CAMSAP1: variants seen among roughly 807,000 people sequenced by gnomAD.
CAMSAP1 encodes the protein calmodulin-regulated spectrin-associated protein 1.
A neutral mutation model predicts 143.5 loss-of-function variants in CAMSAP1; 58 were observed. That is an observed-to-expected ratio of 0.40 (90% confidence interval 0.33 to 0.50). CAMSAP1 has a LOEUF of 0.50. Ranked by LOEUF, CAMSAP1 falls within the 20% of genes least tolerant of loss-of-function variation. CAMSAP1 has a pLI of 0.45. For synonymous variants in CAMSAP1, 945 were observed against 859.3 expected (o/e 1.10, Z -1.74); for missense variants, 1,969 against 2,115.7 (o/e 0.93, Z 1.36).
At chr9:135,836,294 T>C (rs1284358255) in intron 7 of CAMSAP1, 6 of 983,506 alleles carry the variant, frequency 6.1e-6, no homozygotes, top group Admixed American at 1.2e-4. Context: ...ACCACGTACC[T>C]TCTACCCTGT....
chr9:135,877,759 C>T lies in CAMSAP1; in HGVS notation c.585+3874G>A, dbSNP rs1003600965. On this transcript the variant is annotated intron_variant, in intron 3 of 16. Transcript: ENST00000389532. ...CCTGGGAGGTCAGGCTGCAGTGAGC[C>T]GCAATGACACAACTGCACTCCAGCC... is the stretch of plus-strand genomic sequence containing the variant. Among the ~76,000 whole-genome samples the T allele has an allele frequency of 5.3e-5, 8 of 151,976 alleles. No homozygotes were observed. The South Asian group carries it at 1.0e-3, about 20-fold the overall frequency.
chr9:135,818,338 T>G lies in CAMSAP1; in HGVS notation c.4168+70A>C, dbSNP rs1229936948. On this transcript the variant is annotated intron_variant, in intron 13 of 16. Transcript: ENST00000389532. The surrounding 1 kb of genome is among the most constrained non-coding windows in gnomAD (Gnocchi z 7.7). ...ACCACTCTTGATGACAAAATTGAAA[T>G]GAGCTGAAGAACGTGAGGCCGCCGC... 1 of 1,454,302 alleles carries G rather than the reference T, an allele frequency of 6.9e-7. No individual in the cohort carries two copies. Among genetic ancestry groups the G allele is most frequent in the African/African-American group, 1.4e-5 (1 of 70,962 alleles). The allele number at this position is 1,454,302 out of a possible 1,614,324, so 90.1% of individuals were successfully genotyped here. A position where few individuals can be genotyped will look rare whatever the true frequency, so the allele number is the denominator to read the frequency against.
chr9:135,859,786 T>C (rs552281995), intron 5 of CAMSAP1, among the ~76,000 whole-genome samples: 3 of 152,226 alleles, frequency 2.0e-5, no homozygotes, highest in African/African-American at 7.2e-5. Context: ...GTTCACATGA[T>C]CATAATTGGC....
intron 7 of CAMSAP1, chr9:135,836,745 C>T: frequency 1.0e-6 from 1 of 970,852 alleles, no homozygotes; most frequent in Non-Finnish European, 1.2e-6. Flanking sequence ...CATTCCACAG[C>T]CACACATTGT....
At chr9:135,843,037 C>T (rs922500255) in intron 7 of CAMSAP1, among the ~76,000 whole-genome samples, 1 of 152,038 alleles carries the variant, frequency 6.6e-6, no homozygotes, top group East Asian at 1.9e-4. Flanking sequence ...AGTTAAAAGA[C>T]ACAGACTGGG....
chr9:135,817,710 C>A, intron 14 of CAMSAP1: 1 of 403,814 alleles, frequency 2.5e-6, no homozygotes, highest in Non-Finnish European at 4.6e-6. Context: ...CCAACGGACT[C>A]AAAACGATGA....
At chr9:135,828,798 A>C (rs57180439) in intron 7 of CAMSAP1, among the ~76,000 whole-genome samples, 1,739 of 152,348 alleles carry the variant, frequency 0.011, 31 homozygotes, top group African/African-American at 0.04. Context: ...TTTTGAAAGC[A>C]GCAAGAGAAA....
In CAMSAP1 at chr9:135,907,124, G is replaced by A; in HGVS notation, c.36C>T (p.Gly12=). ...CCGGCGGGGCCTCCATCTTCCTCCA[G>A]CCCTCGGCGGCGGCGCGGCCGCTCG... The part of the protein sequence containing the change: ...VDASGRAAAE[G]WRKMEAPPDG... The change falls in exon 1 of 17, where the codon GGC becomes GGT. Residue 12 remains glycine, a synonymous_variant. Coordinates refer to ENST00000389532, the MANE Select transcript of CAMSAP1 (RefSeq NM_015447.4). 1 of 1,120,232 alleles carries A rather than the reference G, an allele frequency of 8.9e-7. No individual in the cohort carries two copies. Among genetic ancestry groups the A allele is most frequent in the South Asian group, 3.8e-5 (1 of 26,088 alleles). 69.4% of individuals were successfully genotyped at this position (1,120,232 alleles called of 1,614,324 possible).
At chr9:135,892,228 TG>T (rs1445443471) in intron 1 of CAMSAP1, among the ~76,000 whole-genome samples, 4 of 152,058 alleles carry the variant, frequency 2.6e-5, no homozygotes, top group African/African-American at 7.2e-5. Flanking sequence ...AATAAACTGC[TG>T]AAGACCAAAG....
intron 1 of CAMSAP1, among the ~76,000 whole-genome samples, chr9:135,905,409 T>A (rs1838747886): frequency 6.6e-6 from 1 of 152,252 alleles, no homozygotes; most frequent in East Asian, 1.9e-4. Flanking sequence ...ATCCGCTGCC[T>A]GAGCCCTCAG....
At chr9:135,829,893 A>G (rs1835799628) in intron 7 of CAMSAP1, among the ~76,000 whole-genome samples, 1 of 151,954 alleles carries the variant, frequency 6.6e-6, no homozygotes, top group African/African-American at 2.4e-5. Flanking sequence ...ATAAATAACA[A>G]TAAGTTATGT....
intron 3 of CAMSAP1, among the ~76,000 whole-genome samples, 171 bp from the exon 4 acceptor site, chr9:135,866,707 CACA>C (rs1241106405): frequency 4.6e-5 from 7 of 152,260 alleles, no homozygotes; most frequent in Middle Eastern, 3.4e-3. Context: ...CCACATGATC[CACA>C]ACAAGGTCCG....
Position 135,821,159 on chromosome 9 carries a change from T to C in CAMSAP1, c.3502A>G (p.Ser1168Gly). ...TTGCTTTCATCATGGAGCCTGTAAC[T>C]GTCGAAGAGACACTTCCCATGTGGG... ...GDPHGKCLFD[S>G]YRLHDESNQR... Residue 1168 changes from serine (S) to glycine (G), a missense_variant, in exon 11 of 17, where the codon AGT (serine) becomes GGT (glycine). By Grantham distance (56) the Ser-to-Gly change is moderately conservative. Transcript: ENST00000389532. The surrounding 1 kb of genome is among the most constrained non-coding windows in gnomAD (Gnocchi z 4.6). 1 of 1,611,908 alleles carries C rather than the reference T, an allele frequency of 6.2e-7. No homozygotes were observed. The highest frequency in any genetic ancestry group is 8.5e-7 in the Non-Finnish European group (1 of 1,179,892).
chr9:135,865,678 T>C (rs1205362308), intron 4 of CAMSAP1, among the ~76,000 whole-genome samples: 3 of 152,310 alleles, frequency 2.0e-5, no homozygotes, highest in African/African-American at 7.2e-5. Flanking sequence ...GCTTAGTCTG[T>C]ACCCATGTGT....
rs1838814171 is a variant in CAMSAP1, at chr9:135,907,248, C to CA, written c.-90dup. 1.2e-6 allele frequency: 1 copy of CA among 869,332 alleles called. No homozygotes were observed. Among genetic ancestry groups the CA allele is most frequent in the Non-Finnish European group, 1.4e-6 (1 of 720,938 alleles). The allele number at this position is 869,332 out of a possible 1,614,324, so 53.9% of individuals were successfully genotyped here. A position where few individuals can be genotyped will look rare whatever the true frequency, so the allele number is the denominator to read the frequency against. On this transcript the variant is annotated 5_prime_UTR_variant, in exon 1 of 17. Transcript: ENST00000389532. ...CCGGGCCCGGTGCGCCCCGAGCCACCACTCGGCCCCGCAGCCGGCCAGCCG... is the reference window on the plus strand; with the variant it reads ...CCGGGCCCGGTGCGCCCCGAGCCACCAACTCGGCCCCGCAGCCGGCCAGCCG...
At position 135,822,935 on chromosome 9, in the gene CAMSAP1, G is replaced by A. The variant is rs754799845; in HGVS notation, c.1726C>T (p.Pro576Ser). The stretch of plus-strand genomic sequence containing the variant: ...TCCGAGGTGTCCAGCTGTCCTTGGG[G>A]AGACCGGGCATTTGCTGTAAGGCCT... ...ALGLTANARS[P>S]QGQLDTSESK... is the part of the protein sequence containing the mutation. The change falls in exon 11 of 17, where the codon CCC (proline) becomes TCC (serine). Residue 576 changes from proline to serine, a missense_variant. Pro to Ser is a moderately conservative substitution (Grantham distance 74). Coordinates refer to ENST00000389532, the MANE Select transcript of CAMSAP1 (RefSeq NM_015447.4). The surrounding 1 kb of genome is among the most constrained non-coding windows in gnomAD (Gnocchi z 6.1). 10 of 1,613,856 alleles carry A rather than the reference G, an allele frequency of 6.2e-6. No individual in the cohort carries two copies. The highest frequency in any genetic ancestry group is 8.5e-6 in the Non-Finnish European group (10 of 1,179,896).
Position 135,822,233 on chromosome 9 carries a change from C to A in CAMSAP1, c.2428G>T (p.Gly810Trp), listed in dbSNP as rs1835497325. 1 of 1,613,880 alleles carries A rather than the reference C, an allele frequency of 6.2e-7. No individual in the cohort carries two copies. ...GCAAAGCTGGTCATCTTCACGCTCC[C>A]ACTCGCCATGGAGACACTGCTCATC... ...SQMSSVSMASGSVKMTSFAER... is the reference protein window; with the variant it reads ...SQMSSVSMASWSVKMTSFAER... The change falls in exon 11 of 17, where the codon GGG becomes TGG. Residue 810 changes from glycine to tryptophan, a missense_variant. Around this residue, in one of 4 missense-constraint regions of CAMSAP1, gnomAD observed 1,390 missense variants for 1,420.8 expected, o/e 0.98. Coordinates refer to ENST00000389532, the MANE Select transcript of CAMSAP1 (RefSeq NM_015447.4). This position sits in a 1 kb window ranked among gnomAD's most constrained non-coding sequence, Gnocchi z 6.1.
chr9:135,809,351 AC>A lies in CAMSAP1; in HGVS notation c.*1957del, dbSNP rs1263129257. 1.3e-5 allele frequency: 2 copies of A among 152,240 alleles called. No individual in the cohort carries two copies. The highest frequency in any genetic ancestry group is 4.8e-5 in the African/African-American group (2 of 41,470). The allele number at this position is 152,240 out of a possible 1,614,324, so 9.4% of individuals were successfully genotyped here. On this transcript the variant is annotated 3_prime_UTR_variant, in exon 17 of 17. Coordinates refer to ENST00000389532, the MANE Select transcript of CAMSAP1 (RefSeq NM_015447.4). ...AAGGACAAGTTTCAGGATGTTCCAC[AC>A]ACTGACTCATTCCATGGAGAAAATC...
chr9:135,877,050 C>T (rs1375230610), intron 3 of CAMSAP1, among the ~76,000 whole-genome samples: 1 of 151,918 alleles, frequency 6.6e-6, no homozygotes, highest in African/African-American at 2.4e-5. Context: ...ACAAATGTCC[C>T]TAGTAGCTTT....
Sources: gnomAD v4.1 joint callset for allele counts (sites outside exome capture counted in the v4.1 genomes callset) on GRCh38, gnomAD v4.1.1 for gene constraint, gnomAD v4.1.1 regional missense constraint, Gnocchi (gnomAD v3.1) non-coding constraint, MANE v1.5 for transcripts, NCBI Gene and HGNC (gene_info 2026-07-23, HGNC 2026-07-21) for gene names.